The following CEP170 variants were observed in gnomAD, a reference collection of about 807,000 sequenced individuals.
CEP170 encodes the protein centrosomal protein of 170 kDa.
In CEP170, 21 loss-of-function variants were observed where a neutral mutation model predicts 151.9. The observed-to-expected ratio is 0.14, with a 90% CI of 0.10 to 0.20. CEP170 has a LOEUF of 0.20. Among genes scored for constraint, CEP170 ranks in the 10% least tolerant of loss-of-function variants. The pLI is 1.00. For missense variants in CEP170, 964 were observed against 1,892.9 expected, an observed-to-expected ratio of 0.51 and a Z score of 9.11; for synonymous variants, 356 against 648.8, an observed-to-expected ratio of 0.55 and a Z score of 6.86.
chr1:243,173,980 C>A (rs938453644), intron 10 of CEP170, among the ~76,000 whole-genome samples: 3 of 152,084 alleles, frequency 2.0e-5, no homozygotes, highest in African/African-American at 4.8e-5. Context: ...TGTATAATTG[C>A]GACATAGTAG....
At chr1:243,199,319 A>C in intron 6 of CEP170, 125 bp from the exon 7 acceptor site, 3 of 909,974 alleles carry the variant, frequency 3.3e-6, no homozygotes, top group Non-Finnish European at 4.9e-6. Flanking sequence ...TTGATAGCTA[A>C]AATGTACTCT....
intron 8 of CEP170, 86 bp downstream of exon 8, chr1:243,190,932 G>A (rs1476754655): frequency 6.9e-7 from 1 of 1,442,444 alleles, no homozygotes; most frequent in South Asian, 1.5e-5. Flanking sequence ...TTTCTACCAT[G>A]TAAGTATCTA....
intron 3 of CEP170, among the ~76,000 whole-genome samples, chr1:243,213,533 T>G (rs1572352617): frequency 6.6e-6 from 1 of 152,126 alleles, no homozygotes; most frequent in African/African-American, 2.4e-5. Flanking sequence ...TAAGCAAAAT[T>G]ATCAGACTCT....
chr1:243,141,988 T>G (rs1194741494), intron 15 of CEP170, among the ~76,000 whole-genome samples: 7 of 152,190 alleles, frequency 4.6e-5, no homozygotes, highest in African/African-American at 1.4e-4. Context: ...TTATAGAAAC[T>G]TTATACCATC....
chr1:243,239,976 C>A (rs2064658788), intron 1 of CEP170, among the ~76,000 whole-genome samples: 1 of 152,036 alleles, frequency 6.6e-6, no homozygotes, highest in African/African-American at 2.4e-5. Flanking sequence ...AGGCCAATAG[C>A]CATACTAGAA....
intron 1 of CEP170, among the ~76,000 whole-genome samples, chr1:243,240,427 C>T (rs1001544050): frequency 5.3e-5 from 8 of 152,180 alleles, no homozygotes; most frequent in East Asian, 1.9e-4. Flanking sequence ...TTCACCATCA[C>T]GGTTAGACGT....
Position 243,172,689 on chromosome 1 carries a change from A to AT in CEP170, c.1716+7dup, listed in dbSNP as rs2058943206. Reference sequence around the variant, plus strand: ...GCATTCAAATAGGTACACAGAAGAGATGTATACCTCTGAGTGGTGAAATCC... The same window carrying AT: ...GCATTCAAATAGGTACACAGAAGAGATTGTATACCTCTGAGTGGTGAAATCC... On this transcript the variant is annotated splice_region_variant and intron_variant, in intron 11 of 19. Coordinates refer to ENST00000366542, the MANE Select transcript of CEP170 (RefSeq NM_014812.3). 6.3e-7 allele frequency: 1 copy of AT among 1,576,984 alleles called. No individual in the cohort carries two copies. The highest frequency in any genetic ancestry group is 1.2e-5 in the South Asian group (1 of 84,422).
At chr1:243,196,831 C>T (rs1304533363) in intron 7 of CEP170, among the ~76,000 whole-genome samples, 7 of 151,964 alleles carry the variant, frequency 4.6e-5, no homozygotes, top group Admixed American at 4.6e-4. Flanking sequence ...AACGTACTGA[C>T]GATAAATATA....
chr1:243,237,861 C>T (rs536986516), intron 1 of CEP170, among the ~76,000 whole-genome samples: 40 of 152,196 alleles, frequency 2.6e-4, no homozygotes, highest in African/African-American at 8.9e-4. Context: ...GCCAAGATCA[C>T]ACCACTGCAC....
chr1:243,236,058 T>C (rs1377736330), intron 1 of CEP170, among the ~76,000 whole-genome samples: 1 of 152,210 alleles, frequency 6.6e-6, no homozygotes, highest in African/African-American at 2.4e-5. Context: ...GATTCAGACA[T>C]TTATCAAGTA....
intron 1 of CEP170, among the ~76,000 whole-genome samples, chr1:243,229,492 T>C (rs2063547374): frequency 1.3e-5 from 2 of 152,176 alleles, no homozygotes. Flanking sequence ...AGTGACTATT[T>C]TGGAACTCTG....
At chr1:243,193,710 A>C (rs2060461387) in intron 7 of CEP170, among the ~76,000 whole-genome samples, 3 of 152,058 alleles carry the variant, frequency 2.0e-5, no homozygotes, top group Non-Finnish European at 2.9e-5. Flanking sequence ...TAGAGTGGAA[A>C]GGCAGCAGAC....
chr1:243,172,574 G>C, intron 11 of CEP170, 123 bp downstream of exon 11: 1 of 697,964 alleles, frequency 1.4e-6, no homozygotes, highest in Non-Finnish European at 2.2e-6. Context: ...AGAGGCTGCA[G>C]TGAGCCGAGA....
chr1:243,203,840 G>C (rs543199312), intron 4 of CEP170, among the ~76,000 whole-genome samples: 2 of 152,098 alleles, frequency 1.3e-5, no homozygotes, highest in South Asian at 4.2e-4. Flanking sequence ...CAGAGAATTA[G>C]TAAGGTAGGT....
chr1:243,135,446 T>A (rs1183507790), intron 17 of CEP170, among the ~76,000 whole-genome samples: 2 of 152,160 alleles, frequency 1.3e-5, no homozygotes, highest in South Asian at 4.1e-4. Context: ...GACCTCATGA[T>A]CCGCCTGCCT....
At chr1:243,137,710 G>A (rs970954779) in intron 16 of CEP170, among the ~76,000 whole-genome samples, 2 of 151,814 alleles carry the variant, frequency 1.3e-5, no homozygotes, top group Non-Finnish European at 2.9e-5. Flanking sequence ...GGGAGGCAGA[G>A]GTTGCAGTGG....
rs568150019 is a variant in CEP170 at position 243,165,858 on chromosome 1, A to G, written c.2102T>C (p.Met701Thr). The G allele has an allele frequency of 3.7e-6, 6 of 1,613,798 alleles. No individual in the cohort carries two copies. In the African/African-American group the frequency reaches 6.7e-5, roughly 18 times the overall value. Reference sequence around the variant, plus strand: ...AGTCTCTCCATTTACTGCCCTGTTCATTTTACTCAAGGGTCTGTCAGCATC... The same window carrying G: ...AGTCTCTCCATTTACTGCCCTGTTCGTTTTACTCAAGGGTCTGTCAGCATC... Reference protein sequence around the residue: ...KQDADRPLSKMNRAVNGETLK... With the variant: ...KQDADRPLSKTNRAVNGETLK... The change falls in exon 13 of 20, where the codon ATG (methionine) becomes ACG (threonine). Residue 701 changes from methionine to threonine, a missense_variant. Physicochemically the swap from Met to Thr is moderately conservative, Grantham distance 81 (BLOSUM62 -1). Transcript: ENST00000366542.
intron 3 of CEP170, among the ~76,000 whole-genome samples, chr1:243,220,821 A>C (rs1372353771): frequency 6.6e-6 from 1 of 152,220 alleles, no homozygotes; most frequent in Non-Finnish European, 1.5e-5. Flanking sequence ...TATTATGCCA[A>C]ATGTAGACAG....
At chr1:243,142,226 C>T (rs1037383968) in intron 15 of CEP170, 90 bp downstream of exon 15, 318 of 1,601,372 alleles carry the variant, frequency 2.0e-4, no homozygotes, top group Middle Eastern at 1.0e-3. Context: ...GGAGGGTGGA[C>T]ATAACTGAAA....
Sources: gnomAD v4.1 joint callset for allele counts (sites outside exome capture counted in the v4.1 genomes callset) on GRCh38, gnomAD v4.1.1 for gene constraint, MANE v1.5 for transcripts, NCBI Gene and HGNC (gene_info 2026-07-23, HGNC 2026-07-21) for gene names.